Variants in ARHGAP25 observed in about 807,000 individuals in gnomAD.
ARHGAP25 encodes Rho GTPase activating protein 25, also known as rho GTPase-activating protein 25.
ARHGAP25 carries 34 observed loss-of-function variants against 71.0 expected under a neutral mutation model. That is an observed-to-expected ratio of 0.48 (90% CI 0.36 to 0.64). The LOEUF is 0.64. Among genes scored for constraint, ARHGAP25 ranks in the 30% least tolerant of loss-of-function variants. The probability of loss-of-function intolerance (pLI) is 0.00; values close to 1 mark genes in which losing one functional copy is unlikely to be tolerated. For missense variants in ARHGAP25, 706 were observed against 805.1 expected (o/e 0.88, Z 1.49); for synonymous variants, 282 against 296.5 (o/e 0.95, Z 0.50).
chr2:68,779,302 G>A (rs951919730), intron 2 of ARHGAP25, among the ~76,000 whole-genome samples: 5 of 152,174 alleles, frequency 3.3e-5, no homozygotes, highest in South Asian at 2.1e-4. Context: ...GAAGAGACAT[G>A]CAATAGCACC....
chr2:68,826,041 A>G lies in ARHGAP25; in HGVS notation c.1788A>G (p.Glu596=). Residue 596 remains glutamate (E), a synonymous_variant, in exon 11 of 11, where the codon GAA becomes GAG. Coordinates refer to ENST00000409202, the MANE Select transcript of ARHGAP25 (RefSeq NM_001007231.3). ...CTAAAGTGGTGAGGCTCAATGAAGA[A>G]CTGGAGAAGGAAAAGAAGAAGTCTG... The part of the protein sequence containing the change: ...VWAKVVRLNE[E]LEKEKKKSAA... The G allele has an allele frequency of 6.2e-7, 1 of 1,614,064 alleles. No individual in the cohort carries two copies. Among genetic ancestry groups the G allele is most frequent in the Non-Finnish European group, 8.5e-7 (1 of 1,180,026 alleles).
At chr2:68,763,881 T>C (rs1163548815) in intron 1 of ARHGAP25, among the ~76,000 whole-genome samples, 1 of 152,208 alleles carries the variant, frequency 6.6e-6, no homozygotes, top group Non-Finnish European at 1.5e-5. Flanking sequence ...AAAACTTTAC[T>C]GAGGTATAAT....
At chr2:68,738,198 C>T (rs1227495723) in intron 1 of ARHGAP25, among the ~76,000 whole-genome samples, 2 of 151,054 alleles carry the variant, frequency 1.3e-5, no homozygotes, top group African/African-American at 5.0e-5. Context: ...TGCCTTCACG[C>T]AGTTACTCAA....
chr2:68,785,229 G>A (rs763862067), intron 3 of ARHGAP25, among the ~76,000 whole-genome samples: 13 of 152,210 alleles, frequency 8.5e-5, no homozygotes, highest in Non-Finnish European at 1.8e-4. Context: ...GGAAAGTTTT[G>A]AGCAGAGGTG....
intron 2 of ARHGAP25, among the ~76,000 whole-genome samples, chr2:68,725,336 A>AATT (rs1674857926): frequency 6.6e-6 from 1 of 152,016 alleles, no homozygotes; most frequent in Admixed American, 6.6e-5. Flanking sequence ...TAATAATAAT[A>AATT]ATTATTGAAA....
upstream of ARHGAP25, chr2:68,734,776 A>AACACACAC (rs34581475): frequency 5.7e-6 from 1 of 175,878 alleles, no homozygotes; most frequent in Admixed American, 6.1e-5. Flanking sequence ...TTAAAAAAGA[A>AACACACAC]ACACACACAC....
chr2:68,815,413 C>T (rs1681127519), intron 6 of ARHGAP25, among the ~76,000 whole-genome samples: 1 of 37,962 alleles, frequency 2.6e-5, no homozygotes, highest in South Asian at 9.3e-4. Context: ...TGAGGAGTGC[C>T]TGCACACCGG....
chr2:68,718,858 T>A (rs987918115), intron 2 of ARHGAP25, among the ~76,000 whole-genome samples: 2 of 152,156 alleles, frequency 1.3e-5, no homozygotes, highest in African/African-American at 4.8e-5. Flanking sequence ...GGGCTTGTCA[T>A]CAGAAAGACA....
intron 2 of ARHGAP25, among the ~76,000 whole-genome samples, chr2:68,711,290 C>T (rs1674476139): frequency 6.6e-6 from 1 of 152,088 alleles, no homozygotes; most frequent in African/African-American, 2.4e-5. Context: ...AAAGTATTTC[C>T]AAAGGGGAAG....
chr2:68,822,679 G>A lies in ARHGAP25; in HGVS notation c.1540G>A (p.Gly514Arg), dbSNP rs1379414750. ...DNVPSLPGSP[G>R]EEASALSSQA... ...CGTCCCTTCCCTGCCAGGGTCCCCT[G>A]GGGAGGAAGCCAGTGCACTCTCTTC... Residue 514 changes from glycine (G) to arginine (R), a missense_variant, in exon 10 of 11, where the codon GGG becomes AGG. By Grantham distance (125) the Gly-to-Arg change is moderately radical. Transcript: ENST00000409202. The A allele has an allele frequency of 1.9e-6, 3 of 1,614,010 alleles. No homozygotes were observed. In the African/African-American group the frequency reaches 4.0e-5, roughly 22 times the overall value.
intron 1 of ARHGAP25, among the ~76,000 whole-genome samples, chr2:68,744,674 G>A (rs376147456): frequency 6.6e-6 from 1 of 152,268 alleles, no homozygotes; most frequent in African/African-American, 2.4e-5. Context: ...GTTTTTACAT[G>A]TTCATTCAAG....
At chr2:68,783,707 C>A (rs1243714732) in intron 3 of ARHGAP25, among the ~76,000 whole-genome samples, 1 of 152,176 alleles carries the variant, frequency 6.6e-6, no homozygotes, top group African/African-American at 2.4e-5. Context: ...AGGCAATCCA[C>A]CTGCCTCAGC....
At chr2:68,711,781 T>C (rs532666270) in intron 2 of ARHGAP25, among the ~76,000 whole-genome samples, 1 of 152,126 alleles carries the variant, frequency 6.6e-6, no homozygotes, top group South Asian at 2.1e-4. Flanking sequence ...TGGTTTTCTG[T>C]TACTGTGTTA....
At position 68,822,757 on chromosome 2, in the gene ARHGAP25, G is replaced by C; in HGVS notation, c.1618G>C (p.Gly540Arg). The C allele has an allele frequency of 6.2e-7, 1 of 1,614,156 alleles. No individual in the cohort carries two copies. Among genetic ancestry groups the C allele is most frequent in the Non-Finnish European group, 8.5e-7 (1 of 1,180,028 alleles). Residue 540 changes from glycine to arginine, a missense_variant, in exon 10 of 11, where the codon GGG (glycine) becomes CGG (arginine). Coordinates refer to ENST00000409202, the MANE Select transcript of ARHGAP25 (RefSeq NM_001007231.3). ...TCTTGCCAGTCCAAACTCTGAAACT[G>C]GGCCTGGAAAAAAGAACTCTGGAGA... Reference protein sequence around the residue: ...DTLASPNSETGPGKKNSGEEE... With the variant: ...DTLASPNSETRPGKKNSGEEE...
chr2:68,794,271 G>A (rs956494555), intron 4 of ARHGAP25, among the ~76,000 whole-genome samples: 1 of 152,056 alleles, frequency 6.6e-6, no homozygotes, highest in South Asian at 2.1e-4. Context: ...CCTTTCTCTT[G>A]CCTGATTACT....
Position 68,782,247 on chromosome 2 carries a change from A to G in ARHGAP25, c.276A>G (p.Leu92=). Residue 92 remains leucine, a synonymous_variant, in exon 3 of 11, where the codon CTA becomes CTG. Transcript: ENST00000409202. ...TCATCTTTCAGGGCTGCATGTATCT[A>G]CCAGGATGTACAATCAAGGAGATCG... The part of the protein sequence containing the change: ...EDTKPQGCMY[L]PGCTIKEIAT... 1 of 1,614,074 alleles carries G rather than the reference A, an allele frequency of 6.2e-7. No homozygotes were observed. The highest frequency in any genetic ancestry group is 8.5e-7 in the Non-Finnish European group (1 of 1,179,972).
chr2:68,743,384 A>G (rs1573410092), intron 1 of ARHGAP25, among the ~76,000 whole-genome samples: 1 of 152,158 alleles, frequency 6.6e-6, no homozygotes, highest in South Asian at 2.1e-4. Context: ...AGAGTCCTGT[A>G]CCTGGCCTAC....
At chr2:68,728,834 T>C (rs78942375) in intron 2 of ARHGAP25, among the ~76,000 whole-genome samples, 5,463 of 152,250 alleles carry the variant, frequency 0.036, 325 homozygotes, top group African/African-American at 0.12. Flanking sequence ...AGCCAAAACC[T>C]GGAAACAATC....
In ARHGAP25 at chr2:68,784,090, C is replaced by T. The variant is rs552908769; in HGVS notation, c.349+1770C>T. Among the ~76,000 whole-genome samples the T allele has an allele frequency of 2.0e-3, 307 of 152,244 alleles. 1 individual carries two copies. Among genetic ancestry groups the T allele is most frequent in the African/African-American group, 7.1e-3 (293 of 41,526 alleles). Reference sequence around the variant, plus strand: ...AGGAAGGTTTGTTCTCTCATTATCACTTATGTTTGCAGCAGTCTCCTGGCC... The same window carrying T: ...AGGAAGGTTTGTTCTCTCATTATCATTTATGTTTGCAGCAGTCTCCTGGCC... On this transcript the variant is annotated intron_variant, in intron 3 of 10. Coordinates refer to ENST00000409202, the MANE Select transcript of ARHGAP25 (RefSeq NM_001007231.3).
Sources: allele counts gnomAD v4.1 joint callset (sites outside exome capture counted in the v4.1 genomes callset), GRCh38; gene constraint gnomAD v4.1.1; transcripts MANE v1.5; gene names NCBI Gene and HGNC (gene_info 2026-07-23, HGNC 2026-07-21).